The following C1QTNF3 variants were observed in gnomAD, a reference collection of about 807,000 sequenced individuals.
C1QTNF3 encodes C1q and TNF related 3.
In C1QTNF3, 26 loss-of-function variants were observed where a neutral mutation model predicts 32.6. The observed-to-expected ratio is 0.80, with a 90% confidence interval of 0.58 to 1.11. C1QTNF3 has a LOEUF of 1.11. Ranked by LOEUF, C1QTNF3 falls within the 50% of genes least tolerant of loss-of-function variation. C1QTNF3 has a pLI of 0.00. For synonymous variants in C1QTNF3, 155 were observed against 146.0 expected (o/e 1.06, Z -0.44); for missense variants, 362 against 398.2 (o/e 0.91, Z 0.77).
chr5:34,137,694 T>C, the C1QTNF3 span, among the ~76,000 whole-genome samples: 1 of 152,244 alleles, frequency 6.6e-6, no homozygotes, highest in Non-Finnish European at 1.5e-5. Context: ...ACTTTTGTTT[T>C]CACATGCACA....
the C1QTNF3 span, among the ~76,000 whole-genome samples, chr5:34,162,806 T>G: frequency 6.6e-6 from 1 of 152,200 alleles, no homozygotes; most frequent in East Asian, 1.9e-4. Flanking sequence ...TAAATACTTA[T>G]GGGTAGTTGG....
At chr5:34,064,626 A>G in the C1QTNF3 span, among the ~76,000 whole-genome samples, 141 of 152,328 alleles carry the variant, frequency 9.3e-4, 1 homozygote, top group Non-Finnish European at 1.8e-3. Context: ...CAGCGGACAC[A>G]CTGCCGGATC....
At chr5:34,214,968 T>C in the C1QTNF3 span, among the ~76,000 whole-genome samples, 2 of 152,124 alleles carry the variant, frequency 1.3e-5, no homozygotes, top group East Asian at 3.9e-4. Flanking sequence ...GAACAGACAA[T>C]TGTTATCAAA....
chr5:34,159,386 AAAT>A, the C1QTNF3 span, among the ~76,000 whole-genome samples: 1 of 152,070 alleles, frequency 6.6e-6, no homozygotes, highest in African/African-American at 2.4e-5. Context: ...CAAATTATAC[AAAT>A]AATATGCAAA....
the C1QTNF3 span, among the ~76,000 whole-genome samples, chr5:34,142,411 G>A: frequency 0.013 from 1,899 of 143,534 alleles, 19 homozygotes; most frequent in South Asian, 0.033. Context: ...CAGCCTGGGT[G>A]ACAGAGTGAG....
chr5:34,088,291 A>G, the C1QTNF3 span, among the ~76,000 whole-genome samples: 1 of 152,206 alleles, frequency 6.6e-6, no homozygotes, highest in African/African-American at 2.4e-5. Context: ...TTCATTTTTC[A>G]CAAGCTAACT....
chr5:34,157,614 T>C, the C1QTNF3 span, among the ~76,000 whole-genome samples: 1 of 152,208 alleles, frequency 6.6e-6, no homozygotes, highest in African/African-American at 2.4e-5. Flanking sequence ...TTCCTGGCTG[T>C]GGTCAGAAAG....
chr5:34,074,406 T>A, the C1QTNF3 span, among the ~76,000 whole-genome samples: 21 of 151,762 alleles, frequency 1.4e-4, no homozygotes, highest in Admixed American at 1.3e-4. Context: ...GACAATTGTC[T>A]AAGCCACAAA....
intron 1 of C1QTNF3, among the ~76,000 whole-genome samples, chr5:34,037,790 G>A (rs1242770626): frequency 6.6e-6 from 1 of 152,164 alleles, no homozygotes; most frequent in African/African-American, 2.4e-5. Flanking sequence ...AGGGATTTCA[G>A]GACACTTGGA....
chr5:34,146,892 A>G, the C1QTNF3 span, among the ~76,000 whole-genome samples: 2 of 152,204 alleles, frequency 1.3e-5, no homozygotes, highest in Admixed American at 1.3e-4. Flanking sequence ...GTGGGAGAAA[A>G]TATTCGCAAA....
At chr5:34,045,623 G>A (rs982691753), upstream of C1QTNF3, among the ~76,000 whole-genome samples, 1 of 152,174 alleles carries the variant, frequency 6.6e-6, no homozygotes, top group Non-Finnish European at 1.5e-5. Flanking sequence ...GACTTGTCTT[G>A]TGTTATGCAG....
the C1QTNF3 span, among the ~76,000 whole-genome samples, chr5:34,176,397 G>A: frequency 3.6e-5 from 5 of 138,124 alleles, no homozygotes; most frequent in East Asian, 2.0e-4. Context: ...AAAACTTAAC[G>A]TATAATAATA....
the C1QTNF3 span, among the ~76,000 whole-genome samples, chr5:34,081,609 A>T: frequency 6.6e-6 from 1 of 151,632 alleles, no homozygotes; most frequent in African/African-American, 2.4e-5. Flanking sequence ...ATTAAATTTC[A>T]ATTAACAAAT....
At position 34,018,730 on chromosome 5, in the gene C1QTNF3, G is replaced by A. The variant is rs1227592206; in HGVS notation, c.*1853C>T. Among the ~76,000 whole-genome samples, 1 of 152,070 alleles carries A rather than the reference G, an allele frequency of 6.6e-6. No individual in the cohort carries two copies. The highest frequency in any genetic ancestry group is 1.5e-5 in the Non-Finnish European group (1 of 68,024). On this transcript the variant is annotated 3_prime_UTR_variant, in exon 6 of 6. Coordinates refer to ENST00000382065, the MANE Select transcript of C1QTNF3 (RefSeq NM_181435.6). ...GTCAAATATAATGTTTTCTACACTGGAAAATTACCAAGGCTGATCATTATG... is the reference window on the plus strand; with the variant it reads ...GTCAAATATAATGTTTTCTACACTGAAAAATTACCAAGGCTGATCATTATG...
At chr5:34,236,390 CA>C in the C1QTNF3 span, among the ~76,000 whole-genome samples, 75,892 of 145,300 alleles carry the variant, frequency 0.52, 22,443 homozygotes, top group Non-Finnish European at 0.67. Flanking sequence ...GACTCCATCT[CA>C]AAAAAAAAAG....
the C1QTNF3 span, chr5:34,200,947 T>G: frequency 4.6e-5 from 7 of 151,852 alleles, no homozygotes; most frequent in African/African-American, 1.7e-4. Context: ...AAGACCAATA[T>G]CAAAATCTTT....
the C1QTNF3 span, among the ~76,000 whole-genome samples, chr5:34,093,953 G>A: frequency 0.012 from 1,868 of 152,206 alleles, 22 homozygotes; most frequent in South Asian, 0.029. Context: ...CACTCTTCAA[G>A]TGTCCATGTG....
chr5:34,062,370 G>A, the C1QTNF3 span, among the ~76,000 whole-genome samples: 1,516 of 152,240 alleles, frequency 1.0e-2, 30 homozygotes, highest in African/African-American at 0.035. Flanking sequence ...TTCCTTTGTA[G>A]GAATATGCCC....
the C1QTNF3 span, among the ~76,000 whole-genome samples, chr5:34,056,454 GTATATATATA>G: frequency 8.2e-5 from 4 of 48,966 alleles, no homozygotes; most frequent in African/African-American, 1.7e-4. Flanking sequence ...GTGTGTGTGT[GTATATATATA>G]TATATATATA....
Sources: allele counts gnomAD v4.1 joint callset (sites outside exome capture counted in the v4.1 genomes callset), GRCh38; gene constraint gnomAD v4.1.1; transcripts MANE v1.5; gene names NCBI Gene and HGNC (gene_info 2026-07-23, HGNC 2026-07-21).